CFAP61: variants seen among roughly 807,000 people sequenced by gnomAD.
The protein encoded by CFAP61 is cilia and flagella associated protein 61.
CFAP61 carries 107 observed loss-of-function variants against 135.6 expected under a neutral mutation model. That is an observed-to-expected ratio of 0.79 (90% CI 0.67 to 0.93). CFAP61 has a LOEUF of 0.93. Ranked by LOEUF, CFAP61 falls within the 40% of genes least tolerant of loss-of-function variation. CFAP61 has a pLI of 0.00. For missense variants in CFAP61, 1,507 were observed against 1,556.2 expected (o/e 0.97, Z 0.53); for synonymous variants, 575 against 578.5 (o/e 0.99, Z 0.09).
chr20:20,278,782 A>C (rs193176215), intron 22 of CFAP61, among the ~76,000 whole-genome samples: 1 of 152,252 alleles, frequency 6.6e-6, no homozygotes, highest in South Asian at 2.1e-4. Flanking sequence ...TTTTTTTAGA[A>C]TCTCTCATTT....
In CFAP61 at chr20:20,074,222, C is replaced by T. The variant is rs186962117; in HGVS notation, c.295-80C>T. 26 of 1,168,740 alleles carry T rather than the reference C, an allele frequency of 2.2e-5. No homozygotes were observed. The East Asian group carries it at 3.0e-4, about 14-fold the overall frequency. The allele number at this position is 1,168,740 out of a possible 1,614,324, so 72.4% of individuals were successfully genotyped here. A position where few individuals can be genotyped will look rare whatever the true frequency, so the allele number is the denominator to read the frequency against. ...GGCTGTTCTGTGTCTGTGGATGCCC[C>T]GAAACCCTCTTTCCACCCTGTGCTG... On this transcript the variant is annotated intron_variant, in intron 3 of 26. Coordinates refer to ENST00000245957, the MANE Select transcript of CFAP61 (RefSeq NM_015585.4).
chr20:20,127,722 G>A (rs1004930479), intron 8 of CFAP61, among the ~76,000 whole-genome samples: 1 of 151,612 alleles, frequency 6.6e-6, no homozygotes, highest in Non-Finnish European at 1.5e-5. Flanking sequence ...TTGGCCTCCT[G>A]CCAGGTGGTG....
chr20:20,067,458 A>G (rs796503539), intron 2 of CFAP61, among the ~76,000 whole-genome samples: 30 of 151,814 alleles, frequency 2.0e-4, no homozygotes, highest in African/African-American at 7.0e-4. Flanking sequence ...CCTGGCCAAC[A>G]TGGTGAAACC....
chr20:20,057,891 T>C (rs2044497240), intron 2 of CFAP61, among the ~76,000 whole-genome samples: 1 of 151,814 alleles, frequency 6.6e-6, no homozygotes, highest in Admixed American at 6.6e-5. Context: ...CTGTTTTTGT[T>C]TGTTTGTTTG....
chr20:20,221,305 A>G (rs1294254335), intron 17 of CFAP61: 2 of 152,240 alleles, frequency 1.3e-5, no homozygotes, highest in African/African-American at 4.8e-5. Context: ...AGAGAAGCCA[A>G]CAGTGGATCT....
At chr20:20,338,538 C>T (rs1463286794) in intron 25 of CFAP61, among the ~76,000 whole-genome samples, 8 of 152,260 alleles carry the variant, frequency 5.3e-5, no homozygotes, top group Non-Finnish European at 1.0e-4. Flanking sequence ...GAGCGCGGAC[C>T]GCCACGCTGT....
chr20:20,279,610 G>T (rs1422773660), intron 22 of CFAP61, among the ~76,000 whole-genome samples: 2 of 151,936 alleles, frequency 1.3e-5, no homozygotes, highest in East Asian at 3.9e-4. Context: ...GGCAGAGGCA[G>T]AAAAAAAATC....
At chr20:20,091,057 A>T in intron 7 of CFAP61, 81 bp downstream of exon 7, 1 of 1,517,864 alleles carries the variant, frequency 6.6e-7, no homozygotes, top group South Asian at 1.2e-5. Flanking sequence ...GTTGCTGGGC[A>T]CCCCTGGAGC....
chr20:20,166,372 A>G (rs1170035031), intron 11 of CFAP61, 25 bp from the exon 12 acceptor site: 1 of 1,609,804 alleles, frequency 6.2e-7, no homozygotes, highest in East Asian at 2.2e-5. Context: ...CAGGGCACTG[A>G]CAGTGCTTAC....
At position 20,213,560 on chromosome 20, in the gene CFAP61, G is replaced by T. The variant is rs141792397; in HGVS notation, c.1932+13658G>T. Among the ~76,000 whole-genome samples the T allele has an allele frequency of 3.1e-3, 466 of 151,340 alleles. 4 individuals are homozygous for T. Among genetic ancestry groups the T allele is most frequent in the Middle Eastern group, 0.01 (3 of 292 alleles). ...ATCTGTTTAAGAAAAAAAAAAAAATGACAAAGTAACCCATTTTGAAGGCTC... is the reference window on the plus strand; with the variant it reads ...ATCTGTTTAAGAAAAAAAAAAAAATTACAAAGTAACCCATTTTGAAGGCTC... On this transcript the variant is annotated intron_variant, in intron 17 of 26. Transcript: ENST00000245957.
In CFAP61 at chr20:20,251,724, C is replaced by T. The variant is rs774950922; in HGVS notation, c.2289C>T (p.Pro763=). 6.8e-6 allele frequency: 11 copies of T among 1,613,914 alleles called. No homozygotes were observed. The highest frequency in any genetic ancestry group is 9.3e-6 in the Non-Finnish European group (11 of 1,180,050). The change falls in exon 20 of 27, where the codon CCC becomes CCT. Residue 763 remains proline (P), a synonymous_variant. Transcript: ENST00000245957. ...TGCTTTCCACGGACGAGATCGTGCC[C>T]TACGACCACCTCATCCTCTGCACCG... ...HVVLSTDEIV[P]YDHLILCTGQ...
intron 25 of CFAP61, among the ~76,000 whole-genome samples, chr20:20,300,700 G>T (rs1281464583): frequency 6.6e-6 from 1 of 151,610 alleles, no homozygotes; most frequent in Non-Finnish European, 1.5e-5. Flanking sequence ...TGCCTCCCTG[G>T]GTTCAAGCAA....
At chr20:20,104,339 G>A (rs74579524) in intron 8 of CFAP61, among the ~76,000 whole-genome samples, 9,986 of 151,220 alleles carry the variant, frequency 0.066, 980 homozygotes, top group African/African-American at 0.22. Context: ...ACTCACATTT[G>A]CTTCTTATCT....
At chr20:20,128,566 G>C (rs750800045) in intron 8 of CFAP61, among the ~76,000 whole-genome samples, 2 of 151,704 alleles carry the variant, frequency 1.3e-5, no homozygotes, top group Non-Finnish European at 2.9e-5. Context: ...GAGGCAGTCT[G>C]CTTCCTTCAG....
chr20:20,148,736 G>C (rs1366545506), intron 9 of CFAP61, among the ~76,000 whole-genome samples: 1 of 152,106 alleles, frequency 6.6e-6, no homozygotes, highest in Non-Finnish European at 1.5e-5. Context: ...ATATCATCAG[G>C]AAACAGCAAC....
rs558312490 is a variant in CFAP61 at position 20,084,471 on chromosome 20, T to C, written c.567-6373T>C. On this transcript the variant is annotated intron_variant, in intron 6 of 26. Coordinates refer to ENST00000245957, the MANE Select transcript of CFAP61 (RefSeq NM_015585.4). ...CCAGTCCTTAAGTGTGAGTTTTCCA[T>C]CTGTGCATTTGCAGTGGTTTCTGTG... Among the ~76,000 whole-genome samples the C allele has an allele frequency of 5.9e-4, 90 of 152,200 alleles. No individual in the cohort carries two copies. The South Asian group carries it at 0.019, about 32-fold the overall frequency.
In CFAP61 at chr20:20,288,839, T is replaced by TGAA. The variant is rs753889914; in HGVS notation, c.3027_3028insGAA (p.Ala1009_Met1010insGlu). ...AAATTGGCTTTCAGCTGGCAGCAGC[T>TGAA]ATGCTACATCTCTTTGATCCAACCC... On this transcript the variant is annotated inframe_insertion, in exon 23 of 27. Transcript: ENST00000245957. 3.1e-6 allele frequency: 5 copies of TGAA among 1,614,218 alleles called. No homozygotes were observed. The South Asian group carries it at 5.5e-5, about 18-fold the overall frequency.
intron 19 of CFAP61, among the ~76,000 whole-genome samples, chr20:20,248,393 A>G (rs1002694959): frequency 3.3e-5 from 5 of 152,258 alleles, no homozygotes; most frequent in Non-Finnish European, 5.9e-5. Context: ...TTAGTAATTT[A>G]AATCCCTGAT....
intron 9 of CFAP61, among the ~76,000 whole-genome samples, chr20:20,146,361 G>A (rs966835642): frequency 1.5e-4 from 23 of 152,182 alleles, no homozygotes; most frequent in Admixed American, 9.8e-4. Context: ...ATTCAGCATA[G>A]TTGTCTTAAA....
Sources: allele counts gnomAD v4.1 joint callset (sites outside exome capture counted in the v4.1 genomes callset), GRCh38; gene constraint gnomAD v4.1.1; transcripts MANE v1.5; gene names NCBI Gene and HGNC (gene_info 2026-07-23, HGNC 2026-07-21).